Variants in TRDN observed in about 807,000 individuals in gnomAD.
TRDN encodes triadin, also known as triadin in skeletal muscle.
Under a neutral mutation model 149.7 loss-of-function variants are expected in TRDN, and 161 were observed. The observed-to-expected ratio is 1.08, with a 90% CI of 0.95 to 1.23. TRDN has a LOEUF of 1.23. TRDN is among the 50% of genes most tolerant of loss of function. The pLI is 0.00. For synonymous variants in TRDN, 294 were observed against 250.5 expected, an observed-to-expected ratio of 1.17 and a Z score of -1.64; for missense variants, 896 against 823.5, an observed-to-expected ratio of 1.09 and a Z score of -1.08.
chr6:123,274,617 T>C, intron 27 of TRDN, 24 bp downstream of exon 27: 1 of 1,594,596 alleles, frequency 6.3e-7, no homozygotes, highest in Non-Finnish European at 8.6e-7. Context: ...ACTCTGAATC[T>C]ATATAAAATA....
chr6:123,265,637 C>G (rs1344192400), intron 32 of TRDN, among the ~76,000 whole-genome samples: 1 of 148,112 alleles, frequency 6.8e-6, no homozygotes, highest in African/African-American at 2.5e-5. Flanking sequence ...ATCTGAACTT[C>G]TTACTGTTTC....
intron 9 of TRDN, among the ~76,000 whole-genome samples, chr6:123,473,788 T>C (rs1485118503): frequency 2.0e-5 from 3 of 151,938 alleles, no homozygotes; most frequent in Non-Finnish European, 4.4e-5. Flanking sequence ...GGGGCCAATA[T>C]TCAACATTCT....
chr6:123,363,081 C>T (rs756960204), intron 20 of TRDN, among the ~76,000 whole-genome samples: 8 of 152,104 alleles, frequency 5.3e-5, no homozygotes, highest in Non-Finnish European at 1.0e-4. Flanking sequence ...AATTATTATT[C>T]ATCTTCAAAA....
At chr6:123,381,287 A>G in intron 16 of TRDN, 83 bp downstream of exon 16, 2 of 1,309,842 alleles carry the variant, frequency 1.5e-6, no homozygotes, top group South Asian at 2.7e-5. Flanking sequence ...AGCGGATTCA[A>G]AATTGCAGGT....
At chr6:123,563,318 A>G (rs1782099324) in intron 2 of TRDN, among the ~76,000 whole-genome samples, 1 of 152,220 alleles carries the variant, frequency 6.6e-6, no homozygotes, top group East Asian at 1.9e-4. Flanking sequence ...AGCTAGACCT[A>G]TGTCAAATAA....
At chr6:123,348,095 A>T (rs1780327932) in intron 21 of TRDN, among the ~76,000 whole-genome samples, 1 of 152,066 alleles carries the variant, frequency 6.6e-6, no homozygotes, top group African/African-American at 2.4e-5. Flanking sequence ...TATAAAAATC[A>T]AGTGAAGTAA....
At chr6:123,533,191 C>T (rs2114353575) in intron 4 of TRDN, among the ~76,000 whole-genome samples, 1 of 152,202 alleles carries the variant, frequency 6.6e-6, no homozygotes, top group South Asian at 2.1e-4. Flanking sequence ...TGGAATGCTA[C>T]ATTCACCATG....
intron 1 of TRDN, among the ~76,000 whole-genome samples, chr6:123,587,907 G>A (rs9490821): frequency 0.27 from 41,505 of 151,968 alleles, 6,184 homozygotes; most frequent in East Asian, 0.54. Flanking sequence ...CACTTCTTTT[G>A]TGGTGGAATG....
chr6:123,345,898 G>T (rs962680403), intron 21 of TRDN, among the ~76,000 whole-genome samples: 1 of 151,704 alleles, frequency 6.6e-6, no homozygotes, highest in South Asian at 2.1e-4. Context: ...TTAACTTTGC[G>T]CCCTGAAACC....
At chr6:123,487,155 A>T (rs1283510599) in intron 9 of TRDN, among the ~76,000 whole-genome samples, 1 of 151,630 alleles carries the variant, frequency 6.6e-6, no homozygotes, top group Non-Finnish European at 1.5e-5. Context: ...CAGAAATACA[A>T]AAAAAAAGGA....
rs1215705020 is a variant in TRDN, at chr6:123,533,444, T to G, written c.425-2879A>C. The stretch of plus-strand genomic sequence containing the variant: ...CCTGTCAGAGCCTCCTACTCTAACT[T>G]AGATTTTGCAGAAAAGACTGGACAG... On this transcript the variant is annotated intron_variant, in intron 4 of 40. Transcript: ENST00000334268. 5.3e-5 allele frequency among the ~76,000 whole-genome samples: 8 copies of G among 152,146 alleles called. No homozygotes were observed. The South Asian group carries it at 1.7e-3, about 32-fold the overall frequency.
At chr6:123,608,625 AATG>A (rs934159377) in intron 1 of TRDN, among the ~76,000 whole-genome samples, 1 of 152,238 alleles carries the variant, frequency 6.6e-6, no homozygotes, top group African/African-American at 2.4e-5. Context: ...CAACTTTAAA[AATG>A]ATATGTTTTT....
intron 12 of TRDN, among the ~76,000 whole-genome samples, chr6:123,415,333 T>C (rs1773605908): frequency 6.6e-6 from 1 of 152,216 alleles, no homozygotes; most frequent in Admixed American, 6.5e-5. Flanking sequence ...ATACTTGTAA[T>C]ATTCCAAGTA....
At chr6:123,565,462 C>A (rs546011039) in intron 2 of TRDN, among the ~76,000 whole-genome samples, 7 of 152,180 alleles carry the variant, frequency 4.6e-5, no homozygotes, top group Non-Finnish European at 1.0e-4. Context: ...TCACAAGTAT[C>A]CTGTTTCAGC....
rs1780083087 is a variant in TRDN at position 123,528,994 on chromosome 6, T to C, written c.484+1512A>G. ...TTTTAGACTTCAGCCAAATTCACTGTCTTAATTATGGAAGACTTGCTAGTT... is the reference window on the plus strand; with the variant it reads ...TTTTAGACTTCAGCCAAATTCACTGCCTTAATTATGGAAGACTTGCTAGTT... On this transcript the variant is annotated intron_variant, in intron 5 of 40. Transcript: ENST00000334268. 3 of 1,296,094 alleles carry C rather than the reference T, an allele frequency of 2.3e-6. No homozygotes were observed. In the East Asian group the frequency reaches 9.1e-5, roughly 39 times the overall value. The allele number at this position is 1,296,094 out of a possible 1,614,324, so 80.3% of individuals were successfully genotyped here.
intron 24 of TRDN, among the ~76,000 whole-genome samples, chr6:123,301,770 C>CATATATATATATATATATAT (rs35364593): frequency 1.7e-5 from 1 of 57,832 alleles, no homozygotes; most frequent in East Asian, 1.0e-3. Context: ...TATATATATA[C>CATATATATATATATATATAT]ATATATATAT....
At position 123,464,924 on chromosome 6, in the gene TRDN, C is replaced by T. The variant is rs745947857; in HGVS notation, c.913G>A (p.Ala305Thr). ...PTEQASRPTP[A>T]SPALEEKEGE... Reference sequence around the variant, plus strand: ...TACTTGCCTTCAAGGGCAGGTGATGCCGGAGTGGGTCTGGAAGCTTGTTCT... The same window carrying T: ...TACTTGCCTTCAAGGGCAGGTGATGTCGGAGTGGGTCTGGAAGCTTGTTCT... The change falls in exon 10 of 41, where the codon GCA (alanine) becomes ACA (threonine). Residue 305 changes from alanine to threonine, a missense_variant. Ala to Thr is a moderately conservative substitution (Grantham distance 58). Transcript: ENST00000334268. 12 of 1,591,572 alleles carry T rather than the reference C, an allele frequency of 7.5e-6. No individual in the cohort carries two copies. Among genetic ancestry groups the T allele is most frequent in the Non-Finnish European group, 1.0e-5 (12 of 1,168,608 alleles).
At position 123,589,208 on chromosome 6, in the gene TRDN, G is replaced by A. The variant is rs144005945; in HGVS notation, c.23-18076C>T. Among the ~76,000 whole-genome samples, 445 of 152,250 alleles carry A rather than the reference G, an allele frequency of 2.9e-3. 2 individuals carry two copies. The highest frequency in any genetic ancestry group is 0.01 in the African/African-American group (433 of 41,556). ...TGCAGAAAATCTCCCAAATTATGTG[G>A]GTTCAATCTCACGGATATAGTAGCA... On this transcript the variant is annotated intron_variant, in intron 1 of 40. Transcript: ENST00000334268.
chr6:123,491,667 A>C (rs1437561058), intron 9 of TRDN, among the ~76,000 whole-genome samples: 1 of 152,160 alleles, frequency 6.6e-6, no homozygotes, highest in East Asian at 1.9e-4. Flanking sequence ...TTTTTAATAC[A>C]ATTATTTATG....
Sources: allele counts gnomAD v4.1 joint callset (sites outside exome capture counted in the v4.1 genomes callset), GRCh38; gene constraint gnomAD v4.1.1; transcripts MANE v1.5; gene names NCBI Gene and HGNC (gene_info 2026-07-23, HGNC 2026-07-21).